The following PPFIBP1 variants were observed in gnomAD, a reference collection of about 807,000 sequenced individuals.
The protein encoded by PPFIBP1 is PPFIB scaffold protein 1.
Under a neutral mutation model 137.8 loss-of-function variants are expected in PPFIBP1, and 112 were observed. The observed-to-expected ratio is 0.81, with a 90% CI of 0.70 to 0.95. The LOEUF is 0.95. PPFIBP1 is among the 40% of genes least tolerant of loss of function. The pLI, the probability that PPFIBP1 is intolerant of heterozygous loss-of-function variation, is 0.00. For missense variants in PPFIBP1, 1,083 were observed against 1,196.6 expected (o/e 0.91, Z 1.40); for synonymous variants, 378 against 417.3 (o/e 0.91, Z 1.15).
intron 13 of PPFIBP1, among the ~76,000 whole-genome samples, chr12:27,671,042 G>A (rs1325054118): frequency 2.6e-5 from 4 of 151,748 alleles, no homozygotes; most frequent in Admixed American, 6.6e-5. Flanking sequence ...AGTGGCACAC[G>A]TCTATAACCT....
intron 2 of PPFIBP1, among the ~76,000 whole-genome samples, chr12:27,600,083 ATGCATACCCTGTACTATGTT>A (rs2053796445): frequency 6.6e-6 from 1 of 152,170 alleles, no homozygotes; most frequent in African/African-American, 2.4e-5. Flanking sequence ...TGAGAGGTAT[ATGCATACCCTGTACTATGTT>A]TGCAACTTCT....
chr12:27,609,712 A>C (rs2054886323), intron 2 of PPFIBP1, among the ~76,000 whole-genome samples: 1 of 152,046 alleles, frequency 6.6e-6, no homozygotes, highest in Non-Finnish European at 1.5e-5. Context: ...ACATGGCCTC[A>C]CCCACATTTT....
intron 9 of PPFIBP1, chr12:27,656,954 T>C (rs1482365384): frequency 7.3e-6 from 3 of 411,068 alleles, no homozygotes; most frequent in Non-Finnish European, 1.3e-5. Flanking sequence ...GTACTTTATT[T>C]GGTGTTTAAG....
rs772220913 is a variant in PPFIBP1 at position 27,633,431 on chromosome 12, C to T, written c.35C>T (p.Ala12Val). Residue 12 changes from alanine to valine, a missense_variant, in exon 3 of 30, where the codon GCG becomes GTG. By Grantham distance (64) the Ala-to-Val change is moderately conservative. Coordinates refer to ENST00000228425, the MANE Select transcript of PPFIBP1 (RefSeq NM_003622.4). The stretch of plus-strand genomic sequence containing the variant: ...GATGCAAGTGACATGTTGGCTGCAG[C>T]GTTGGAGCAGATGGATGGTATCATA... ...MSDASDMLAAALEQMDGIIAG... is the reference protein window; with the variant it reads ...MSDASDMLAAVLEQMDGIIAG... 4.3e-6 allele frequency: 7 copies of T among 1,613,106 alleles called. No homozygotes were observed. Among genetic ancestry groups the T allele is most frequent in the African/African-American group, 4.0e-5 (3 of 74,886 alleles).
intron 2 of PPFIBP1, among the ~76,000 whole-genome samples, chr12:27,602,693 G>A (rs2054125206): frequency 6.6e-6 from 1 of 152,272 alleles, no homozygotes; most frequent in South Asian, 2.1e-4. Flanking sequence ...GATAAACATG[G>A]TTGACTTGGT....
intron 2 of PPFIBP1, among the ~76,000 whole-genome samples, chr12:27,582,080 T>C (rs1433000952): frequency 6.6e-6 from 1 of 152,118 alleles, no homozygotes; most frequent in Non-Finnish European, 1.5e-5. Flanking sequence ...TTGCTTTGCT[T>C]TCTCCTCACC....
intron 2 of PPFIBP1, among the ~76,000 whole-genome samples, chr12:27,610,469 A>T (rs1229370434): frequency 6.6e-6 from 1 of 152,218 alleles, no homozygotes; most frequent in Non-Finnish European, 1.5e-5. Context: ...TAAAGCGCCC[A>T]GACTATGGTG....
At chr12:27,563,878 T>TTC (rs1247072149) in intron 1 of PPFIBP1, among the ~76,000 whole-genome samples, 1 of 151,728 alleles carries the variant, frequency 6.6e-6, no homozygotes. Flanking sequence ...CCTTTTTTTT[T>TTC]TTTTTCTTTT....
chr12:27,609,766 A>G (rs558118823), intron 2 of PPFIBP1, among the ~76,000 whole-genome samples: 5 of 152,244 alleles, frequency 3.3e-5, no homozygotes, highest in African/African-American at 9.6e-5. Flanking sequence ...TCTACACTCC[A>G]GTCCCACTGA....
intron 4 of PPFIBP1, among the ~76,000 whole-genome samples, chr12:27,637,729 G>A (rs1445827478): frequency 6.6e-6 from 1 of 152,124 alleles, no homozygotes; most frequent in African/African-American, 2.4e-5. Flanking sequence ...AAAAGCATAG[G>A]TGTGAAATTA....
At chr12:27,592,534 G>T in intron 2 of PPFIBP1, 4 of 1,248,322 alleles carry the variant, frequency 3.2e-6, no homozygotes, top group Non-Finnish European at 4.7e-6. Context: ...TTTCCTTGGT[G>T]CTGGCTGACG....
At chr12:27,528,364 G>T (rs951732252) in intron 1 of PPFIBP1, among the ~76,000 whole-genome samples, 1 of 152,148 alleles carries the variant, frequency 6.6e-6, no homozygotes, top group Non-Finnish European at 1.5e-5. Context: ...TCCAAAAACT[G>T]CTCTGGGCTC....
chr12:27,617,880 A>C (rs1369175780), intron 2 of PPFIBP1, among the ~76,000 whole-genome samples: 1 of 152,192 alleles, frequency 6.6e-6, no homozygotes, highest in Non-Finnish European at 1.5e-5. Context: ...AATCCTGACT[A>C]TATTGATCAT....
intron 1 of PPFIBP1, among the ~76,000 whole-genome samples, chr12:27,576,716 A>C (rs1379165394): frequency 1.3e-5 from 2 of 152,206 alleles, no homozygotes; most frequent in Non-Finnish European, 2.9e-5. Context: ...TTTCTGCACT[A>C]GATTTTAATC....
chr12:27,693,086 A>G lies in PPFIBP1; in HGVS notation c.*204A>G, dbSNP rs2061648621. The G allele has an allele frequency of 1.1e-5, 7 of 637,650 alleles. No individual in the cohort carries two copies. The South Asian group carries it at 1.8e-4, about 17-fold the overall frequency. 39.5% of individuals were successfully genotyped at this position (637,650 alleles called of 1,614,324 possible). A position where few individuals can be genotyped will look rare whatever the true frequency, so the allele number is the denominator to read the frequency against. On this transcript the variant is annotated 3_prime_UTR_variant, in exon 30 of 30. Coordinates refer to ENST00000228425, the MANE Select transcript of PPFIBP1 (RefSeq NM_003622.4). ...ATAAGACACTGGTGAATGAGAGTAT[A>G]ATTGTTTTTCTTCTATTTAATGTAA...
At chr12:27,579,889 G>T (rs1056679529) in intron 2 of PPFIBP1, among the ~76,000 whole-genome samples, 4 of 152,170 alleles carry the variant, frequency 2.6e-5, no homozygotes, top group Non-Finnish European at 4.4e-5. Flanking sequence ...TTACTCTTGT[G>T]GGGTGTGGCC....
At chr12:27,614,990 T>C (rs1445949999) in intron 2 of PPFIBP1, among the ~76,000 whole-genome samples, 1 of 152,232 alleles carries the variant, frequency 6.6e-6, no homozygotes, top group Non-Finnish European at 1.5e-5. Flanking sequence ...GAAACACTTC[T>C]TGATTTGGTT....
chr12:27,579,999 G>C (rs1412605784), intron 2 of PPFIBP1, among the ~76,000 whole-genome samples: 1 of 152,154 alleles, frequency 6.6e-6, no homozygotes, highest in Non-Finnish European at 1.5e-5. Flanking sequence ...CTATGTAGGG[G>C]AAGAGGAAAT....
intron 1 of PPFIBP1, among the ~76,000 whole-genome samples, chr12:27,533,434 G>A (rs1334499770): frequency 1.3e-5 from 2 of 152,076 alleles, no homozygotes; most frequent in African/African-American, 4.8e-5. Context: ...GGAATCTGAG[G>A]CACAAGGAGG....
Sources: allele counts gnomAD v4.1 joint callset (sites outside exome capture counted in the v4.1 genomes callset), GRCh38; gene constraint gnomAD v4.1.1; transcripts MANE v1.5; gene names NCBI Gene and HGNC (gene_info 2026-07-23, HGNC 2026-07-21).